Variants in TPTE2 observed in about 807,000 individuals in gnomAD.
The protein encoded by TPTE2 is transmembrane phosphoinositide 3-phosphatase and tensin homolog 2, also known as phosphatidylinositol 3,4,5-trisphosphate 3-phosphatase TPTE2.
Under a neutral mutation model 78.6 loss-of-function variants are expected in TPTE2, and 53 were observed. The ratio of observed to expected loss-of-function variants is 0.67; its 90% CI spans 0.54 to 0.85. TPTE2 has a LOEUF of 0.85. Ranked by LOEUF, TPTE2 falls within the 40% of genes least tolerant of loss-of-function variation. The pLI, the probability that TPTE2 is intolerant of heterozygous loss-of-function variation, is 0.00. For missense variants in TPTE2, 461 were observed against 623.0 expected (o/e 0.74, Z 2.77); for synonymous variants, 175 against 206.2 (o/e 0.85, Z 1.30).
intron 15 of TPTE2, among the ~76,000 whole-genome samples, chr13:19,433,502 C>G (rs1204552278): frequency 6.6e-6 from 1 of 152,102 alleles, no homozygotes; most frequent in South Asian, 2.1e-4. Flanking sequence ...GACTCTGTCT[C>G]AAAAATTAAA....
chr13:19,522,620 T>C (rs1195903520), intron 1 of TPTE2, among the ~76,000 whole-genome samples: 91 of 12,734 alleles, frequency 7.1e-3, no homozygotes, highest in East Asian at 0.11. Context: ...TTTTTTTTTC[T>C]TTTTTTTTTT....
chr13:19,491,072 G>A (rs1880961456), intron 3 of TPTE2, among the ~76,000 whole-genome samples: 1 of 152,196 alleles, frequency 6.6e-6, no homozygotes, highest in South Asian at 2.1e-4. Context: ...AGAAAACAGT[G>A]TCTAAAACAC....
chr13:19,558,580 C>T, the TPTE2 span, among the ~76,000 whole-genome samples: 1 of 152,194 alleles, frequency 6.6e-6, no homozygotes, highest in South Asian at 2.1e-4. Context: ...CAGGTTTCTC[C>T]TGTGGAATGT....
intron 6 of TPTE2, among the ~76,000 whole-genome samples, chr13:19,470,887 TTTTATTTATTTATTTA>T (rs57724907): frequency 2.9e-5 from 4 of 139,554 alleles, no homozygotes; most frequent in South Asian, 2.4e-4. Context: ...GATCTTTTTA[TTTTATTTATTTATTTA>T]TTTATTTATT....
chr13:19,485,341 A>C (rs185286715), intron 3 of TPTE2, among the ~76,000 whole-genome samples: 81 of 152,158 alleles, frequency 5.3e-4, no homozygotes, highest in African/African-American at 1.9e-3. Flanking sequence ...TTCTCAGCTG[A>C]AAGTTTTTTT....
chr13:19,496,620 A>T (rs1444136129), intron 1 of TPTE2, among the ~76,000 whole-genome samples: 1 of 152,170 alleles, frequency 6.6e-6, no homozygotes, highest in African/African-American at 2.4e-5. Flanking sequence ...AGTGTGAGGG[A>T]CAAGTCCATG....
chr13:19,559,761 C>T, the TPTE2 span, among the ~76,000 whole-genome samples: 2 of 127,438 alleles, frequency 1.6e-5, no homozygotes, highest in East Asian at 2.8e-4. Context: ...AGGCCCCCTA[C>T]ACTCTTGGGG....
intron 19 of TPTE2, among the ~76,000 whole-genome samples, chr13:19,423,823 T>C (rs1875788704): frequency 6.6e-6 from 1 of 152,204 alleles, no homozygotes. Flanking sequence ...ATGAACGCAG[T>C]GTTTTAAAGG....
chr13:19,527,598 C>T (rs1323614958), intron 1 of TPTE2, among the ~76,000 whole-genome samples: 5 of 151,604 alleles, frequency 3.3e-5, no homozygotes, highest in African/African-American at 1.2e-4. Flanking sequence ...AATTGGGCTG[C>T]GTGTGGTGGC....
intron 4 of TPTE2, among the ~76,000 whole-genome samples, chr13:19,479,088 A>G (rs1880157229): frequency 6.6e-6 from 1 of 152,202 alleles, no homozygotes; most frequent in Admixed American, 6.5e-5. Context: ...CAGCACACCA[A>G]CATGGCACAT....
At chr13:19,503,801 T>C (rs1868791319), upstream of TPTE2, among the ~76,000 whole-genome samples, 1 of 152,166 alleles carries the variant, frequency 6.6e-6, no homozygotes, top group South Asian at 2.1e-4. Context: ...GGTTGTTAGC[T>C]TTTTTCTCTT....
chr13:19,425,079 TAA>T, intron 18 of TPTE2, 62 bp from the exon 22 acceptor site: 1 of 814,694 alleles, frequency 1.2e-6, no homozygotes, highest in Middle Eastern at 2.6e-4. Flanking sequence ...CCAAAGAAAT[TAA>T]AGTTCCTTTC....
chr13:19,461,932 T>TC (rs1236746621), intron 10 of TPTE2, among the ~76,000 whole-genome samples: 2 of 57,634 alleles, frequency 3.5e-5, no homozygotes, highest in African/African-American at 9.6e-5. Context: ...TACAGTTGGG[T>TC]CTTTTTTTTT....
At position 19,533,004 on chromosome 13, in the gene TPTE2, T is replaced by C. The variant is rs144401982; in HGVS notation, c.-44+3592A>G. Among the ~76,000 whole-genome samples, 12 of 152,334 alleles carry C rather than the reference T, an allele frequency of 7.9e-5. No homozygotes were observed. The East Asian group carries it at 1.7e-3, about 22-fold the overall frequency. ...CAGTACACTATACTCTGATGTCTAG[T>C]AGAGGCATAGCACATAGCAGAGCTC... On this transcript the variant is annotated intron_variant, in intron 1 of 17. Coordinates refer to the TPTE2 transcript ENST00000390680.
intron 9 of TPTE2, 130 bp downstream of exon 12, chr13:19,465,125 C>T (rs1419812982): frequency 8.2e-6 from 10 of 1,218,042 alleles, no homozygotes; most frequent in Non-Finnish European, 9.5e-6. Flanking sequence ...ATATGTCACA[C>T]TATCACAGTG....
intron 13 of TPTE2, among the ~76,000 whole-genome samples, chr13:19,447,398 T>C (rs564766639): frequency 1.9e-4 from 29 of 152,178 alleles, no homozygotes; most frequent in Non-Finnish European, 3.2e-4. Context: ...GGTTGGGTAA[T>C]GTGAAATGGC....
chr13:19,497,527 C>T (rs1263915128), intron 1 of TPTE2, among the ~76,000 whole-genome samples: 1 of 78,152 alleles, frequency 1.3e-5, no homozygotes, highest in Admixed American at 1.5e-4. Context: ...GAGGCACCCC[C>T]CAGCAGGGGC....
At position 19,439,393 on chromosome 13, in the gene TPTE2, CT is replaced by C. The variant is rs774218787; in HGVS notation, c.974-1241del. Among the ~76,000 whole-genome samples the C allele has an allele frequency of 2.0e-4, 30 of 151,750 alleles. No homozygotes were observed. The South Asian group carries it at 2.1e-3, about 11-fold the overall frequency. On this transcript the variant is annotated intron_variant, in intron 13 of 19. Transcript: ENST00000400230. Reference sequence around the variant, plus strand: ...ACCCAGCATGCTCTACAGTCACACCCTCTAGGGAGAAGGGAAAGGGAAAGAA... The same window carrying C: ...ACCCAGCATGCTCTACAGTCACACCCCTAGGGAGAAGGGAAAGGGAAAGAA...
At chr13:19,506,702 G>A (rs1234374940), upstream of TPTE2, among the ~76,000 whole-genome samples, 3 of 152,344 alleles carry the variant, frequency 2.0e-5, no homozygotes, top group Non-Finnish European at 4.4e-5. Flanking sequence ...GAGGTATCAA[G>A]CAGATTCTTC....
Sources: allele counts gnomAD v4.1 joint callset (sites outside exome capture counted in the v4.1 genomes callset), GRCh38; gene constraint gnomAD v4.1.1; transcripts MANE v1.5; gene names NCBI Gene and HGNC (gene_info 2026-07-23, HGNC 2026-07-21).